The following NUDT3 variants were observed in gnomAD, a reference collection of about 807,000 sequenced individuals.
The protein encoded by NUDT3 is diphosphoinositol polyphosphate phosphohydrolase 1.
NUDT3 carries 9 observed loss-of-function variants against 23.6 expected under a neutral mutation model. The observed-to-expected ratio is 0.38, with a 90% confidence interval of 0.23 to 0.66. The LOEUF (loss-of-function observed/expected upper bound fraction) is 0.66. Ranked by LOEUF, NUDT3 falls within the 30% of genes least tolerant of loss-of-function variation. The probability of loss-of-function intolerance (pLI) is 0.52; values close to 1 mark genes in which losing one functional copy is unlikely to be tolerated. For synonymous variants in NUDT3, 86 were observed against 82.6 expected (o/e 1.04, Z -0.22); for missense variants, 172 against 218.5 (o/e 0.79, Z 1.34).
chr6:34,362,044 C>T (rs1219323640), intron 1 of NUDT3, among the ~76,000 whole-genome samples: 1 of 152,142 alleles, frequency 6.6e-6, no homozygotes, highest in Non-Finnish European at 1.5e-5. Flanking sequence ...AAATATACCA[C>T]TGTGTTCAGG....
intron 1 of NUDT3, among the ~76,000 whole-genome samples, chr6:34,351,042 A>T (rs1006816175): frequency 1.3e-5 from 2 of 148,630 alleles, no homozygotes; most frequent in African/African-American, 5.1e-5. Flanking sequence ...ACAGAAATTT[A>T]AAAAAGGAAA....
chr6:34,372,477 C>A (rs1475009856), intron 1 of NUDT3, among the ~76,000 whole-genome samples: 1 of 152,012 alleles, frequency 6.6e-6, no homozygotes, highest in Non-Finnish European at 1.5e-5. Flanking sequence ...TTTTGATTTG[C>A]GTTTCTCTGA....
chr6:34,314,225 C>A (rs1250309833), intron 2 of NUDT3, among the ~76,000 whole-genome samples: 1 of 151,786 alleles, frequency 6.6e-6, no homozygotes, highest in African/African-American at 2.4e-5. Context: ...GAGTTTGAGA[C>A]CAACCTGGCC....
chr6:34,388,261 T>C (rs1765141486), intron 1 of NUDT3, among the ~76,000 whole-genome samples: 1 of 152,170 alleles, frequency 6.6e-6, no homozygotes, highest in Non-Finnish European at 1.5e-5. Flanking sequence ...TCAGTACGTA[T>C]CCCCAACGTT....
At chr6:34,289,024 G>A in intron 4 of NUDT3, 93 bp from the exon 5 acceptor site, 2 of 1,396,494 alleles carry the variant, frequency 1.4e-6, no homozygotes, top group Non-Finnish European at 1.9e-6. Context: ...TTAAAGCAAT[G>A]TTTCTTAACA....
intron 1 of NUDT3, among the ~76,000 whole-genome samples, chr6:34,382,124 T>C (rs1765030088): frequency 6.9e-6 from 1 of 145,056 alleles, no homozygotes; most frequent in Admixed American, 7.0e-5. Context: ...AGGCCAGATG[T>C]GGTGGCTCGT....
rs946682797 is a variant in NUDT3, at chr6:34,286,097, A to T, written c.*2656T>A. On this transcript the variant is annotated 3_prime_UTR_variant, in exon 5 of 5. Transcript: ENST00000607016. ...TTCCGTTTTATTTTCTTATTTATTT[A>T]TTAAGACAGAGTCTTACTCTGTTGC... The T allele has an allele frequency of 7.2e-5, 11 of 152,234 alleles. No individual in the cohort carries two copies. The highest frequency in any genetic ancestry group is 2.6e-4 in the African/African-American group (11 of 41,542). 9.4% of individuals were successfully genotyped at this position (152,234 alleles called of 1,614,324 possible). A position where few individuals can be genotyped will look rare whatever the true frequency, so the allele number is the denominator to read the frequency against.
At chr6:34,385,029 CAAAAAA>C (rs55719137) in intron 1 of NUDT3, among the ~76,000 whole-genome samples, 1 of 110,830 alleles carries the variant, frequency 9.0e-6, no homozygotes, top group Non-Finnish European at 2.1e-5. Flanking sequence ...ACCCTGCCTC[CAAAAAA>C]AAAAAAAAAA....
chr6:34,387,295 G>A (rs1463734872), intron 1 of NUDT3, among the ~76,000 whole-genome samples: 2 of 151,986 alleles, frequency 1.3e-5, no homozygotes, highest in South Asian at 2.1e-4. Context: ...GTTATCATAG[G>A]AGATGATAGC....
chr6:34,353,920 C>CT lies in NUDT3; in HGVS notation c.100-11949dup, dbSNP rs1293855590. 2.8e-3 allele frequency among the ~76,000 whole-genome samples: 396 copies of CT among 143,484 alleles called. 2 individuals carry two copies. Among genetic ancestry groups the CT allele is most frequent in the African/African-American group, 9.3e-3 (335 of 36,114 alleles). 94.1% of individuals were successfully genotyped at this position (143,484 alleles called of 152,430 possible). ...CCATGTTGCCCAGGCTAGTCTTTTT[C>CT]TTTTTTTTTTGAGACAGAGTTGCCC... On this transcript the variant is annotated intron_variant, in intron 1 of 4. Coordinates refer to ENST00000607016, the MANE Select transcript of NUDT3 (RefSeq NM_006703.4).
In NUDT3 at chr6:34,341,886, T is replaced by C. The variant is rs1215813449; in HGVS notation, c.186A>G (p.Ala62=). The change falls in exon 2 of 5, where the codon GCA becomes GCG. Residue 62 remains alanine (A), a synonymous_variant. Transcript: ENST00000607016. ...GMEPEEEPSV[A]AVREVCEEAG... The stretch of plus-strand genomic sequence containing the variant: ...CCTCCTCACAGACTTCACGAACTGC[T>C]GCCACACTTGGCTCCTCCTCGGGCT... 2 of 1,613,974 alleles carry C rather than the reference T, an allele frequency of 1.2e-6. No individual in the cohort carries two copies. The highest frequency in any genetic ancestry group is 1.7e-6 in the Non-Finnish European group (2 of 1,179,960).
At chr6:34,342,090 T>C in intron 1 of NUDT3, 118 bp from the exon 2 acceptor site, 1 of 849,916 alleles carries the variant, frequency 1.2e-6, no homozygotes, top group Non-Finnish European at 1.8e-6. Context: ...TGTTTATGCC[T>C]TCCCAAATCA....
At chr6:34,387,566 G>A (rs932411344) in intron 1 of NUDT3, among the ~76,000 whole-genome samples, 10 of 151,554 alleles carry the variant, frequency 6.6e-5, no homozygotes, top group East Asian at 3.9e-4. Context: ...CAGGCATGGC[G>A]GCATACACCA....
chr6:34,344,153 C>G (rs1281319156), intron 1 of NUDT3, among the ~76,000 whole-genome samples: 1 of 152,088 alleles, frequency 6.6e-6, no homozygotes, highest in Admixed American at 6.6e-5. Flanking sequence ...GTAAGTTAAA[C>G]ATAAAATTAC....
intron 2 of NUDT3, among the ~76,000 whole-genome samples, chr6:34,317,352 C>T (rs182325116): frequency 6.6e-6 from 1 of 151,974 alleles, no homozygotes; most frequent in Non-Finnish European, 1.5e-5. Flanking sequence ...AACCACCTAC[C>T]TACTGTATTT....
Position 34,374,156 on chromosome 6 carries a change from C to CAAAAAAAAAA in NUDT3, c.99+18098_99+18107dup, listed in dbSNP as rs397888346. Among the ~76,000 whole-genome samples, 13 of 64,718 alleles carry CAAAAAAAAAA rather than the reference C, an allele frequency of 2.0e-4. No homozygotes were observed. In the East Asian group the frequency reaches 2.1e-3, roughly 11 times the overall value. 42.5% of individuals were successfully genotyped at this position (64,718 alleles called of 152,430 possible). A position where few individuals can be genotyped will look rare whatever the true frequency, so the allele number is the denominator to read the frequency against. On this transcript the variant is annotated intron_variant, in intron 1 of 4. Transcript: ENST00000607016. ...TGGGCGACAGAACAAGGCTCCCTCT[C>CAAAAAAAAAA]AAAAAAAAAAAAAAAAAAAAAAAAA...
intron 2 of NUDT3, among the ~76,000 whole-genome samples, chr6:34,334,148 G>T (rs754563878): frequency 6.6e-6 from 1 of 152,196 alleles, no homozygotes; most frequent in Admixed American, 6.5e-5. Flanking sequence ...GTACAGCCTT[G>T]GCTGGGCAGT....
At chr6:34,293,585 G>A in intron 3 of NUDT3, 50 bp from the exon 4 acceptor site, 1 of 1,606,912 alleles carries the variant, frequency 6.2e-7, no homozygotes, top group Non-Finnish European at 8.5e-7. Flanking sequence ...TAGAAAGCTG[G>A]AATTACTTAA....
At chr6:34,327,226 G>A (rs1010107377) in intron 2 of NUDT3, among the ~76,000 whole-genome samples, 10 of 151,964 alleles carry the variant, frequency 6.6e-5, no homozygotes, top group Non-Finnish European at 1.3e-4. Context: ...TTTCTTCTAC[G>A]CACTTATCAG....
Sources: allele counts gnomAD v4.1 joint callset (sites outside exome capture counted in the v4.1 genomes callset), GRCh38; gene constraint gnomAD v4.1.1; transcripts MANE v1.5; gene names NCBI Gene and HGNC (gene_info 2026-07-23, HGNC 2026-07-21).